Variants in CDK6 observed in about 807,000 individuals in gnomAD.
CDK6 encodes the protein cyclin dependent kinase 6.
CDK6 carries 6 observed loss-of-function variants against 37.1 expected under a neutral mutation model. That is an observed-to-expected ratio of 0.16 (90% CI 0.09 to 0.32). The LOEUF is 0.32. Ranked by LOEUF, CDK6 falls within the 10% of genes least tolerant of loss-of-function variation. The pLI is 1.00. For missense variants in CDK6, 224 were observed against 418.9 expected, an observed-to-expected ratio of 0.53 and a Z score of 4.06; for synonymous variants, 160 against 161.3, an observed-to-expected ratio of 0.99 and a Z score of 0.06.
At chr7:92,773,253 T>C (rs1050578246) in intron 3 of CDK6, among the ~76,000 whole-genome samples, 2 of 152,196 alleles carry the variant, frequency 1.3e-5, no homozygotes, top group African/African-American at 2.4e-5. Context: ...ACAAGTGTTA[T>C]AAGGCATGTG....
chr7:92,792,657 G>A (rs1358170719), intron 2 of CDK6, among the ~76,000 whole-genome samples: 1 of 151,936 alleles, frequency 6.6e-6, no homozygotes, highest in Non-Finnish European at 1.5e-5. Context: ...TGAGTTTCAC[G>A]TTTTGGTTTA....
At chr7:92,672,781 C>T (rs1797120942) in intron 4 of CDK6, among the ~76,000 whole-genome samples, 1 of 152,174 alleles carries the variant, frequency 6.6e-6, no homozygotes. Flanking sequence ...TTATGGATGT[C>T]TATCTAAATT....
At position 92,835,227 on chromosome 7, in the gene CDK6, A is replaced by T. The variant is rs36227865; in HGVS notation, c.-368+1251T>A. The T allele has an allele frequency of 2.3e-3, 354 of 153,298 alleles. 1 individual carries two copies. The highest frequency in any genetic ancestry group is 4.1e-3 in the Non-Finnish European group (281 of 69,018). 9.5% of individuals were successfully genotyped at this position (153,298 alleles called of 1,614,324 possible). On this transcript the variant is annotated intron_variant, in intron 1 of 7. Coordinates refer to ENST00000424848, the MANE Select transcript of CDK6 (RefSeq NM_001145306.2). The surrounding 1 kb of genome is among the most constrained non-coding windows in gnomAD (Gnocchi z 4.2). ...GAGCCAGGTCGAGGGCCACACAGGT[A>T]GCCGGGGAGCCGCCGCCGGCCGCCC... is the stretch of plus-strand genomic sequence containing the variant.
rs960159859 is a variant in CDK6 at position 92,606,082 on chromosome 7, T to C, written c.*9058A>G. The C allele has an allele frequency of 8.6e-6, 2 of 233,470 alleles. No homozygotes were observed. The highest frequency in any genetic ancestry group is 1.2e-4 in the East Asian group (2 of 16,586). 14.5% of individuals were successfully genotyped at this position (233,470 alleles called of 1,614,324 possible). ...TTTAAGGAACATGCACCCTTATAAG[T>C]CTGTACCCTGATATGAAAATAGCAG... is the stretch of plus-strand genomic sequence containing the variant. On this transcript the variant is annotated 3_prime_UTR_variant, in exon 8 of 8. Transcript: ENST00000424848.
intron 3 of CDK6, among the ~76,000 whole-genome samples, chr7:92,751,269 T>C (rs899229609): frequency 2.0e-5 from 3 of 152,178 alleles, no homozygotes; most frequent in African/African-American, 7.2e-5. Context: ...AAGGTGATGA[T>C]GAATCTCCTA....
At chr7:92,821,404 C>T (rs1294687310) in intron 2 of CDK6, among the ~76,000 whole-genome samples, 1 of 152,018 alleles carries the variant, frequency 6.6e-6, no homozygotes, top group African/African-American at 2.4e-5. Context: ...TCCCCACCTG[C>T]TAAATTCATG....
In CDK6 at chr7:92,610,925, G is replaced by A. The variant is rs1795549072; in HGVS notation, c.*4215C>T. On this transcript the variant is annotated 3_prime_UTR_variant, in exon 8 of 8. Coordinates refer to ENST00000424848, the MANE Select transcript of CDK6 (RefSeq NM_001145306.2). Reference sequence around the variant, plus strand: ...TGTGTAAGAAGTATTGCTTCATGTGGTTGCCTCTTCCCTTGAAATGGGAAA... The same window carrying A: ...TGTGTAAGAAGTATTGCTTCATGTGATTGCCTCTTCCCTTGAAATGGGAAA... The A allele has an allele frequency of 8.8e-6, 2 of 228,456 alleles. No homozygotes were observed. The highest frequency in any genetic ancestry group is 1.7e-5 in the Non-Finnish European group (2 of 115,168). The allele number at this position is 228,456 out of a possible 1,614,324, so 14.2% of individuals were successfully genotyped here. A position where few individuals can be genotyped will look rare whatever the true frequency, so the allele number is the denominator to read the frequency against.
chr7:92,736,069 A>T (rs1336220010), intron 3 of CDK6, among the ~76,000 whole-genome samples: 1 of 152,196 alleles, frequency 6.6e-6, no homozygotes, highest in Non-Finnish European at 1.5e-5. Context: ...CTTGCAAGTT[A>T]GATAATCTAA....
intron 2 of CDK6, among the ~76,000 whole-genome samples, chr7:92,779,848 TA>T (rs1262779519): frequency 2.0e-5 from 3 of 152,236 alleles, no homozygotes; most frequent in African/African-American, 7.2e-5. Flanking sequence ...TTGTAAACAT[TA>T]ATCTTAGAAA....
intron 2 of CDK6, among the ~76,000 whole-genome samples, chr7:92,777,108 G>C (rs1799869805): frequency 6.6e-6 from 1 of 152,066 alleles, no homozygotes; most frequent in Non-Finnish European, 1.5e-5. Context: ...TCCAGTTTCA[G>C]TTTTCTGCAT....
chr7:92,672,166 TACACACAC>T (rs1434883987), intron 4 of CDK6, among the ~76,000 whole-genome samples: 15 of 38,742 alleles, frequency 3.9e-4, no homozygotes, highest in South Asian at 1.8e-3. Context: ...TATATACACA[TACACACAC>T]ACACACACAG....
Position 92,833,505 on chromosome 7 carries a change from A to C in CDK6, c.-182T>G. Reference sequence around the variant, plus strand: ...GCCGCTGCAGAAGCTGGATGGAGAGACCTCCCCGCGGGGCTGGCGTAACCC... The same window carrying C: ...GCCGCTGCAGAAGCTGGATGGAGAGCCCTCCCCGCGGGGCTGGCGTAACCC... On this transcript the variant is annotated 5_prime_UTR_variant, in exon 2 of 8. Coordinates refer to ENST00000424848, the MANE Select transcript of CDK6 (RefSeq NM_001145306.2). The surrounding 1 kb of genome is among the most constrained non-coding windows in gnomAD (Gnocchi z 6.1). The C allele has an allele frequency of 3.0e-5, 16 of 530,516 alleles. No individual in the cohort carries two copies. The highest frequency in any genetic ancestry group is 1.3e-4 in the South Asian group (5 of 38,344). 32.9% of individuals were successfully genotyped at this position (530,516 alleles called of 1,614,324 possible). A position where few individuals can be genotyped will look rare whatever the true frequency, so the allele number is the denominator to read the frequency against.
chr7:92,753,992 G>A (rs1163344658), intron 3 of CDK6, among the ~76,000 whole-genome samples: 2 of 152,102 alleles, frequency 1.3e-5, no homozygotes, highest in African/African-American at 4.8e-5. Flanking sequence ...CATATACAAT[G>A]AGGGTCTCAG....
At chr7:92,831,443 A>C (rs1233391783) in intron 2 of CDK6, among the ~76,000 whole-genome samples, 1 of 152,226 alleles carries the variant, frequency 6.6e-6, no homozygotes, top group Non-Finnish European at 1.5e-5. Context: ...CTTCCGTCTT[A>C]AAATTGTAGT....
intron 3 of CDK6, among the ~76,000 whole-genome samples, chr7:92,766,604 C>G (rs1799587520): frequency 2.0e-5 from 3 of 152,130 alleles, no homozygotes; most frequent in Admixed American, 2.0e-4. Context: ...ACAGTGAAGC[C>G]TTGGATGTTC....
rs1795538843 is a variant in CDK6 at position 92,610,505 on chromosome 7, A to G, written c.*4635T>C. 4.3e-6 allele frequency: 1 copy of G among 230,406 alleles called. No individual in the cohort carries two copies. The highest frequency in any genetic ancestry group is 2.2e-5 in the African/African-American group (1 of 45,258). The allele number at this position is 230,406 out of a possible 1,614,324, so 14.3% of individuals were successfully genotyped here. A position where few individuals can be genotyped will look rare whatever the true frequency, so the allele number is the denominator to read the frequency against. On this transcript the variant is annotated 3_prime_UTR_variant, in exon 8 of 8. Coordinates refer to ENST00000424848, the MANE Select transcript of CDK6 (RefSeq NM_001145306.2). ...CTGTTGCTTACAAAGGTCAGAAGAT[A>G]GAGAGACCAAAGGATTATTTTTGGT...
At chr7:92,829,855 T>C (rs1047552202) in intron 2 of CDK6, among the ~76,000 whole-genome samples, 1 of 152,160 alleles carries the variant, frequency 6.6e-6, no homozygotes, top group African/African-American at 2.4e-5. Context: ...ATGAGTAAAT[T>C]TTTAAAGAGA....
intron 3 of CDK6, among the ~76,000 whole-genome samples, chr7:92,743,242 GGC>G (rs1798972168): frequency 6.6e-6 from 1 of 151,848 alleles, no homozygotes; most frequent in Non-Finnish European, 1.5e-5. Flanking sequence ...TGGGCGTGGT[GGC>G]AGGTGCCTGT....
At chr7:92,728,573 C>T (rs1798567351) in intron 3 of CDK6, among the ~76,000 whole-genome samples, 1 of 152,068 alleles carries the variant, frequency 6.6e-6, no homozygotes, top group African/African-American at 2.4e-5. Flanking sequence ...ACTTATACTA[C>T]AGGTCTAGTT....
Sources: gnomAD v4.1 joint callset for allele counts (sites outside exome capture counted in the v4.1 genomes callset) on GRCh38, gnomAD v4.1.1 for gene constraint, Gnocchi (gnomAD v3.1) non-coding constraint, MANE v1.5 for transcripts, NCBI Gene and HGNC (gene_info 2026-07-23, HGNC 2026-07-21) for gene names.